Variants in ITGAV observed in about 807,000 individuals in gnomAD.
ITGAV encodes integrin subunit alpha V.
In ITGAV, 76 loss-of-function variants were observed where a neutral mutation model predicts 143.8. That is an observed-to-expected ratio of 0.53 (90% CI 0.44 to 0.64). The LOEUF (loss-of-function observed/expected upper bound fraction) is 0.64, where lower values mean the gene tolerates loss of function less well. Among genes scored for constraint, ITGAV ranks in the 30% least tolerant of loss-of-function variants. The pLI is 0.00. For missense variants in ITGAV, 1,193 were observed against 1,274.7 expected (o/e 0.94, Z 0.98); for synonymous variants, 453 against 446.7 (o/e 1.01, Z -0.18).
intron 6 of ITGAV, among the ~76,000 whole-genome samples, chr2:186,634,613 A>G (rs1449493109): frequency 2.6e-5 from 4 of 152,168 alleles, no homozygotes; most frequent in Non-Finnish European, 2.9e-5. Flanking sequence ...AAAATAGAAA[A>G]TTCAGGCATC....
At chr2:186,631,665 C>A (rs1011853647) in intron 5 of ITGAV, among the ~76,000 whole-genome samples, 6 of 152,026 alleles carry the variant, frequency 3.9e-5, no homozygotes, top group African/African-American at 1.4e-4. Flanking sequence ...AAGAGGAGTG[C>A]CTTAAATGTA....
chr2:186,675,566 A>G (rs1259765824), intron 26 of ITGAV, 38 bp from the exon 27 acceptor site: 1 of 1,499,458 alleles, frequency 6.7e-7, no homozygotes, highest in Admixed American at 1.7e-5. Flanking sequence ...AGATGATAGA[A>G]TGACCTTTTC....
At position 186,641,451 on chromosome 2, in the gene ITGAV, A is replaced by AGG. The variant is rs1303144714; in HGVS notation, c.1023_1024dup (p.Val342GlyfsTer21). On this transcript the variant is annotated frameshift_variant, in exon 12 of 30. Transcript: ENST00000261023. LOFTEE classifies it high-confidence loss of function. ...CGTGGCTCTGATGGCAAACTCCAAG[A>AGG]GGTGGGGCAGGTCTCAGTGTCTCTA... 6.2e-7 allele frequency: 1 copy of AGG among 1,614,182 alleles called. No individual in the cohort carries two copies. Among genetic ancestry groups the AGG allele is most frequent in the South Asian group, 1.1e-5 (1 of 91,082 alleles).
At chr2:186,665,471 G>A (rs1229647282) in intron 21 of ITGAV, among the ~76,000 whole-genome samples, 1 of 152,158 alleles carries the variant, frequency 6.6e-6, no homozygotes, top group African/African-American at 2.4e-5. Context: ...GGATGAGAAC[G>A]TGGTTTAAAC....
intron 12 of ITGAV, chr2:186,641,839 A>G (rs1485196742): frequency 1.2e-5 from 6 of 493,748 alleles, no homozygotes; most frequent in African/African-American, 9.7e-5. Flanking sequence ...CAGAATGATT[A>G]CTTTCTGAAA....
At chr2:186,671,482 T>C (rs1689061551) in intron 26 of ITGAV, among the ~76,000 whole-genome samples, 1 of 152,096 alleles carries the variant, frequency 6.6e-6, no homozygotes, top group South Asian at 2.1e-4. Flanking sequence ...CATATCCTTC[T>C]CATGTCCTTA....
At chr2:186,592,862 TTTTTTTC>T (rs1294085062) in intron 1 of ITGAV, among the ~76,000 whole-genome samples, 1 of 152,092 alleles carries the variant, frequency 6.6e-6, no homozygotes, top group African/African-American at 2.4e-5. Context: ...CAACCTTGAA[TTTTTTTC>T]TTTTTTCTTT....
At chr2:186,652,209 G>A (rs552351800) in intron 15 of ITGAV, 120 bp downstream of exon 15, 1 of 653,150 alleles carries the variant, frequency 1.5e-6, no homozygotes, top group Admixed American at 2.9e-5. Context: ...TGAGTATACT[G>A]TTTTTTCTAT....
rs199802709 is a variant in ITGAV at position 186,667,132 on chromosome 2, T to C, written c.2247-18T>C. 5.0e-6 allele frequency: 8 copies of C among 1,590,196 alleles called. No homozygotes were observed. The highest frequency in any genetic ancestry group is 6.8e-6 in the Non-Finnish European group (8 of 1,168,196). On this transcript the variant is annotated intron_variant, in intron 22 of 29. Coordinates refer to ENST00000261023, the MANE Select transcript of ITGAV (RefSeq NM_002210.5). ...GTTATGCATAATTCATTTTTAAGTT[T>C]TTTTTTTTCTTTTTCAGCTCAAATC...
intron 2 of ITGAV, among the ~76,000 whole-genome samples, chr2:186,611,085 T>A (rs1197523977): frequency 6.6e-6 from 1 of 152,166 alleles, no homozygotes; most frequent in Non-Finnish European, 1.5e-5. Context: ...GCATTCTTTG[T>A]CTTGTGGTTC....
chr2:186,668,216 ATTTTTT>A (rs1186490756), intron 24 of ITGAV, among the ~76,000 whole-genome samples: 1 of 4,198 alleles, frequency 2.4e-4, no homozygotes, highest in Non-Finnish European at 4.8e-4. Flanking sequence ...ATATATATAT[ATTTTTT>A]TTTTTTTTTT....
chr2:186,651,588 T>TC (rs983148053), intron 14 of ITGAV, among the ~76,000 whole-genome samples: 1 of 152,200 alleles, frequency 6.6e-6, no homozygotes, highest in African/African-American at 2.4e-5. Context: ...GGTTTTTTTT[T>TC]CTCTCCCACT....
In ITGAV at chr2:186,676,912, G is replaced by A; in HGVS notation, c.3028G>A (p.Val1010Ile). Residue 1010 changes from valine (V) to isoleucine (I), a missense_variant, in exon 29 of 30, where the codon GTT becomes ATT. By Grantham distance (29) the Val-to-Ile change is conservative. Coordinates refer to ENST00000261023, the MANE Select transcript of ITGAV (RefSeq NM_002210.5). ...TCTAGCAGGATTGTTGCTACTGGCTGTTTTGGTATTTGTAATGTACAGGGT... is the reference window on the plus strand; with the variant it reads ...TCTAGCAGGATTGTTGCTACTGGCTATTTTGGTATTTGTAATGTACAGGGT... The part of the protein sequence containing the change: ...AVLAGLLLLA[V>I]LVFVMYRMGF... The A allele has an allele frequency of 1.2e-6, 2 of 1,613,924 alleles. No homozygotes were observed. The highest frequency in any genetic ancestry group is 1.7e-6 in the Non-Finnish European group (2 of 1,179,918).
intron 7 of ITGAV, 83 bp from the exon 8 acceptor site, chr2:186,636,982 A>G (rs983752178): frequency 1.8e-6 from 2 of 1,129,926 alleles, no homozygotes; most frequent in African/African-American, 3.1e-5. Context: ...TCTTGAAAAT[A>G]TTTTCAAGGA....
At chr2:186,643,211 T>C (rs1688157521) in intron 12 of ITGAV, among the ~76,000 whole-genome samples, 1 of 152,236 alleles carries the variant, frequency 6.6e-6, no homozygotes, top group Non-Finnish European at 1.5e-5. Flanking sequence ...AGCCAACATC[T>C]CTTCCAGCTT....
At chr2:186,612,828 T>A (rs1687252128) in intron 2 of ITGAV, among the ~76,000 whole-genome samples, 1 of 152,100 alleles carries the variant, frequency 6.6e-6, no homozygotes, top group Non-Finnish European at 1.5e-5. Context: ...AACTAAAAAG[T>A]TAAAAAGAAA....
At chr2:186,644,291 G>A (rs567331559) in intron 12 of ITGAV, among the ~76,000 whole-genome samples, 1 of 147,528 alleles carries the variant, frequency 6.8e-6, no homozygotes, top group African/African-American at 2.4e-5. Context: ...GAGAAGTTAT[G>A]CTTATCTTTG....
intron 7 of ITGAV, among the ~76,000 whole-genome samples, 167 bp downstream of exon 7, chr2:186,636,374 C>T (rs1297253198): frequency 1.3e-5 from 2 of 152,006 alleles, no homozygotes; most frequent in Admixed American, 6.6e-5. Context: ...GGTTATGTTA[C>T]GTTTCAGTAA....
chr2:186,595,150 A>G (rs1433653917), intron 1 of ITGAV, among the ~76,000 whole-genome samples: 1 of 152,232 alleles, frequency 6.6e-6, no homozygotes, highest in Non-Finnish European at 1.5e-5. Context: ...ATACACATTT[A>G]TTTCTATATA....
Sources: gnomAD v4.1 joint callset for allele counts (sites outside exome capture counted in the v4.1 genomes callset) on GRCh38, gnomAD v4.1.1 for gene constraint, MANE v1.5 for transcripts, NCBI Gene and HGNC (gene_info 2026-07-23, HGNC 2026-07-21) for gene names.